The following TMC2 variants were observed in gnomAD, a reference collection of about 807,000 sequenced individuals.
TMC2 encodes transmembrane channel like 2, also known as transmembrane channel-like protein 2.
TMC2 carries 102 observed loss-of-function variants against 105.9 expected under a neutral mutation model. That is an observed-to-expected ratio of 0.96 (90% CI 0.82 to 1.14). The LOEUF (loss-of-function observed/expected upper bound fraction) is 1.14. Among genes scored for constraint, TMC2 ranks in the 50% most tolerant of loss-of-function variants. The probability of loss-of-function intolerance (pLI) is 0.00; values close to 1 mark genes in which losing one functional copy is unlikely to be tolerated. For missense variants in TMC2, 1,093 were observed against 1,134.3 expected (o/e 0.96, Z 0.52); for synonymous variants, 402 against 422.8 (o/e 0.95, Z 0.60).
chr20:2,552,910 T>A (rs1282584678), intron 2 of TMC2, among the ~76,000 whole-genome samples: 1 of 152,220 alleles, frequency 6.6e-6, no homozygotes, highest in Non-Finnish European at 1.5e-5. Flanking sequence ...GTAATTGACT[T>A]TTGCATACTA....
rs1286793935 is a variant in TMC2 at position 2,597,306 on chromosome 20, C to T, written c.1224+8C>T. The T allele has an allele frequency of 6.2e-7, 1 of 1,612,034 alleles. No individual in the cohort carries two copies. The highest frequency in any genetic ancestry group is 8.5e-7 in the Non-Finnish European group (1 of 1,178,648). On this transcript the variant is annotated splice_region_variant and intron_variant, in intron 10 of 19. Transcript: ENST00000358864. The stretch of plus-strand genomic sequence containing the variant: ...ATCACCACCAGCTTCAAGGTAGTCA[C>T]CCCAGGGCAGTTCCCACTTCCGGAG...
rs1053264787 is a variant in TMC2 at position 2,612,106 on chromosome 20, C to A, written c.1594-85C>A. 9.6e-6 allele frequency: 13 copies of A among 1,357,922 alleles called. No individual in the cohort carries two copies. The African/African-American group carries it at 1.7e-4, about 18-fold the overall frequency. The allele number at this position is 1,357,922 out of a possible 1,614,324, so 84.1% of individuals were successfully genotyped here. The stretch of plus-strand genomic sequence containing the variant: ...CAGAAGCTAGATGGTAGGGTTGTGG[C>A]ATTTGCTGGCTTTCACTGTTCTTAT... On this transcript the variant is annotated intron_variant, in intron 12 of 19. Transcript: ENST00000358864.
At position 2,643,103 on chromosome 20, in the gene TMC2, G is replaced by A. The variant is rs2086699582; in HGVS notation, c.*1752G>A. On this transcript the variant is annotated 3_prime_UTR_variant, in exon 20 of 20. Transcript: ENST00000358864. ...TAGGGACATGTGACCAGGAGAAACA[G>A]GATAAATTATTTCACACCAATCTCT... 6.6e-6 allele frequency among the ~76,000 whole-genome samples: 1 copy of A among 152,156 alleles called. No homozygotes were observed. The highest frequency in any genetic ancestry group is 1.5e-5 in the Non-Finnish European group (1 of 68,032).
intron 18 of TMC2, among the ~76,000 whole-genome samples, chr20:2,636,861 T>C (rs1193134325): frequency 6.6e-6 from 1 of 152,114 alleles, no homozygotes; most frequent in Non-Finnish European, 1.5e-5. Context: ...TCCGCCTGCC[T>C]TGGTCTCCCA....
chr20:2,571,879 A>T (rs2086105630), intron 4 of TMC2, among the ~76,000 whole-genome samples: 1 of 152,212 alleles, frequency 6.6e-6, no homozygotes, highest in Non-Finnish European at 1.5e-5. Flanking sequence ...TCTTAACTAC[A>T]TTTTAAAAGT....
intron 17 of TMC2, among the ~76,000 whole-genome samples, chr20:2,632,781 G>A (rs1374446488): frequency 6.6e-6 from 1 of 151,876 alleles, no homozygotes; most frequent in African/African-American, 2.4e-5. Context: ...AGTAGAAATG[G>A]GGTTTCCCCA....
chr20:2,595,603 C>T (rs779429136), intron 9 of TMC2, among the ~76,000 whole-genome samples: 1 of 152,304 alleles, frequency 6.6e-6, no homozygotes, highest in East Asian at 1.9e-4. Context: ...TCTCTGAAAA[C>T]TTGGCCCAGC....
At chr20:2,579,428 T>A (rs902271335) in intron 6 of TMC2, among the ~76,000 whole-genome samples, 18 of 144,264 alleles carry the variant, frequency 1.2e-4, no homozygotes, top group Admixed American at 7.5e-4. Flanking sequence ...TTATTTATTT[T>A]TATTTATTTT....
intron 11 of TMC2, among the ~76,000 whole-genome samples, chr20:2,605,126 T>G (rs1037602075): frequency 2.6e-5 from 4 of 152,150 alleles, no homozygotes; most frequent in Non-Finnish European, 4.4e-5. Context: ...TCACTCTGAT[T>G]AGTGTCTTAA....
At chr20:2,607,006 T>C (rs2086399233) in intron 11 of TMC2, among the ~76,000 whole-genome samples, 1 of 151,832 alleles carries the variant, frequency 6.6e-6, no homozygotes, top group Admixed American at 6.6e-5. Context: ...TTTCTGTTTT[T>C]GAATACTCAT....
chr20:2,625,922 A>G lies in TMC2; in HGVS notation c.2306+1526A>G, dbSNP rs190877129. Reference sequence around the variant, plus strand: ...TTTCTTGAACATAGTGGTTATAATTACTTTTAAAATCCCAGTCTGATATTC... The same window carrying G: ...TTTCTTGAACATAGTGGTTATAATTGCTTTTAAAATCCCAGTCTGATATTC... On this transcript the variant is annotated intron_variant, in intron 17 of 19. Coordinates refer to ENST00000358864, the MANE Select transcript of TMC2 (RefSeq NM_080751.3). Among the ~76,000 whole-genome samples, 614 of 152,322 alleles carry G rather than the reference A, an allele frequency of 4.0e-3. 1 individual carries two copies. Among genetic ancestry groups the G allele is most frequent in the African/African-American group, 0.014 (586 of 41,560 alleles).
At chr20:2,563,114 C>T (rs1293537083) in intron 4 of TMC2, among the ~76,000 whole-genome samples, 1 of 152,092 alleles carries the variant, frequency 6.6e-6, no homozygotes, top group Admixed American at 6.5e-5. Flanking sequence ...TGTAGGAAGC[C>T]CATGCTCCCT....
intron 2 of TMC2, among the ~76,000 whole-genome samples, chr20:2,547,378 A>G (rs551966025): frequency 4.6e-5 from 7 of 152,364 alleles, no homozygotes; most frequent in Admixed American, 1.3e-4. Context: ...CAGACCATAG[A>G]CAATGGAGGA....
At chr20:2,574,963 T>A (rs751380227) in intron 5 of TMC2, among the ~76,000 whole-genome samples, 65 of 152,046 alleles carry the variant, frequency 4.3e-4, no homozygotes, top group Non-Finnish European at 7.6e-4. Context: ...TGACCTCAGG[T>A]GATCCTCCTG....
At chr20:2,637,249 T>A (rs2086654443) in intron 18 of TMC2, among the ~76,000 whole-genome samples, 1 of 151,740 alleles carries the variant, frequency 6.6e-6, no homozygotes, top group African/African-American at 2.4e-5. Context: ...TAGCCAGGTG[T>A]GGTGGCACAC....
intron 7 of TMC2, among the ~76,000 whole-genome samples, chr20:2,585,004 G>A (rs1238789968): frequency 6.6e-6 from 1 of 152,122 alleles, no homozygotes; most frequent in Admixed American, 6.5e-5. Flanking sequence ...GACAACCAAT[G>A]ATTGATTTCT....
chr20:2,563,089 TC>T (rs549749803), intron 4 of TMC2, among the ~76,000 whole-genome samples: 6 of 152,126 alleles, frequency 3.9e-5, no homozygotes, highest in African/African-American at 1.4e-4. Flanking sequence ...GGAGTGGCAC[TC>T]CCCCCGTTTC....
At chr20:2,539,990 C>CTTT (rs57860432) in intron 2 of TMC2, among the ~76,000 whole-genome samples, 1,175 of 115,036 alleles carry the variant, frequency 0.01, 31 homozygotes, top group African/African-American at 0.017. Context: ...CTTTTCTTTT[C>CTTT]TTTTTTTTTT....
chr20:2,545,744 T>G (rs6083601), intron 2 of TMC2, among the ~76,000 whole-genome samples: 2 of 126,468 alleles, frequency 1.6e-5, no homozygotes, highest in African/African-American at 6.1e-5. Context: ...AAGATGAAGA[T>G]GAAGGAAGAA....
Sources: allele counts gnomAD v4.1 joint callset (sites outside exome capture counted in the v4.1 genomes callset), GRCh38; gene constraint gnomAD v4.1.1; transcripts MANE v1.5; gene names NCBI Gene and HGNC (gene_info 2026-07-23, HGNC 2026-07-21).